PLCG2: variants seen among roughly 807,000 people sequenced by gnomAD.
The protein encoded by PLCG2 is 1-phosphatidylinositol 4,5-bisphosphate phosphodiesterase gamma-2.
Under a neutral mutation model 175.6 loss-of-function variants are expected in PLCG2, and 69 were observed. The observed-to-expected ratio is 0.39, with a 90% CI of 0.32 to 0.48. The LOEUF (loss-of-function observed/expected upper bound fraction) is 0.48, where lower values mean the gene tolerates loss of function less well. Among genes scored for constraint, PLCG2 ranks in the 20% least tolerant of loss-of-function variants. The pLI is 0.91. For missense variants in PLCG2, 1,798 were observed against 1,650.9 expected (o/e 1.09, Z -1.54); for synonymous variants, 827 against 624.0 (o/e 1.33, Z -4.85).
At position 81,779,390 on chromosome 16, in the gene PLCG2, G is replaced by T. The variant is rs1200354960; in HGVS notation, c.-82G>T. 1.3e-5 allele frequency: 2 copies of T among 151,238 alleles called. No individual in the cohort carries two copies. The highest frequency in any genetic ancestry group is 2.1e-4 in the South Asian group (1 of 4,834). 9.4% of individuals were successfully genotyped at this position (151,238 alleles called of 1,614,324 possible). ...CGGGACCCCGGAGCCCAAACCCGGG[G>T]CAGGCGGGCAGCTGTGCCCGGGCGG... On this transcript the variant is annotated 5_prime_UTR_variant, in exon 1 of 33. Coordinates refer to ENST00000564138, the MANE Select transcript of PLCG2 (RefSeq NM_002661.5).
At chr16:81,850,864 G>A (rs964332503) in intron 2 of PLCG2, among the ~76,000 whole-genome samples, 10 of 152,194 alleles carry the variant, frequency 6.6e-5, no homozygotes, top group Non-Finnish European at 1.0e-4. Flanking sequence ...TCCTGCACAT[G>A]CGGGCAATAG....
rs560615398 is a variant in PLCG2, at chr16:81,821,175, C to T, written c.194-33269C>T. 1.3e-4 allele frequency among the ~76,000 whole-genome samples: 20 copies of T among 152,332 alleles called. No homozygotes were observed. The East Asian group carries it at 1.3e-3, about 10-fold the overall frequency. On this transcript the variant is annotated intron_variant, in intron 2 of 32. Coordinates refer to ENST00000564138, the MANE Select transcript of PLCG2 (RefSeq NM_002661.5). ...CCAAAGTGCTGGGATTACAGGCGTG[C>T]GTGAGCCGCCGTGCCTGGCCACATT...
rs372502550 is a variant in PLCG2 at position 81,786,077 on chromosome 16, G to A, written c.88G>A (p.Val30Met). The change falls in exon 2 of 33, where the codon GTG (valine) becomes ATG (methionine). Residue 30 changes from valine (V) to methionine (M), a missense_variant. Val to Met is a conservative substitution (Grantham distance 21, BLOSUM62 1). Transcript: ENST00000564138. ...RALELGTVMTVFSFRKSTPER... is the reference protein window; with the variant it reads ...RALELGTVMTMFSFRKSTPER... ...CCTGGAGCTGGGGACGGTGATGACT[G>A]TGTTCAGCTTCCGCAAGTCCACCCC... 1.4e-5 allele frequency: 22 copies of A among 1,614,220 alleles called. No individual in the cohort carries two copies. Among genetic ancestry groups the A allele is most frequent in the Non-Finnish European group, 1.9e-5 (22 of 1,180,020 alleles).
Position 81,960,886 on chromosome 16 carries a change from C to G in PLCG2, c.*2888C>G, listed in dbSNP as rs867610672. On this transcript the variant is annotated 3_prime_UTR_variant, in exon 33 of 33. Coordinates refer to ENST00000564138, the MANE Select transcript of PLCG2 (RefSeq NM_002661.5). Reference sequence around the variant, plus strand: ...GGAGCAGTGTTCAGAGCCTCATCTTCCTGTTATATTCTTCTCTAAGATTCA... The same window carrying G: ...GGAGCAGTGTTCAGAGCCTCATCTTGCTGTTATATTCTTCTCTAAGATTCA... 4 of 229,554 alleles carry G rather than the reference C, an allele frequency of 1.7e-5. No individual in the cohort carries two copies. Among genetic ancestry groups the G allele is most frequent in the Non-Finnish European group, 2.6e-5 (3 of 115,774 alleles). The allele number at this position is 229,554 out of a possible 1,614,324, so 14.2% of individuals were successfully genotyped here. A position where few individuals can be genotyped will look rare whatever the true frequency, so the allele number is the denominator to read the frequency against.
chr16:81,794,644 C>A (rs1371929711), intron 2 of PLCG2, among the ~76,000 whole-genome samples: 1 of 152,154 alleles, frequency 6.6e-6, no homozygotes, highest in African/African-American at 2.4e-5. Context: ...GAACACACCC[C>A]ATAAGACTCT....
At position 81,765,755 on chromosome 16, in the gene PLCG2, C is replaced by T. The variant is rs375662515; in HGVS notation, c.-48+9789C>T. Reference sequence around the variant, plus strand: ...GCTCTGGGAAACTAATGCATGTTTTCAGTGACATTTTAGCCCCTTCTGAAT... The same window carrying T: ...GCTCTGGGAAACTAATGCATGTTTTTAGTGACATTTTAGCCCCTTCTGAAT... On this transcript the variant is annotated intron_variant, in intron 2 of 5. Transcript: ENST00000565054. Among the ~76,000 whole-genome samples, 117 of 152,320 alleles carry T rather than the reference C, an allele frequency of 7.7e-4. No individual in the cohort carries two copies. In the South Asian group the frequency reaches 0.013, roughly 18 times the overall value.
At chr16:81,807,232 C>T (rs1405479455) in intron 2 of PLCG2, among the ~76,000 whole-genome samples, 2 of 152,182 alleles carry the variant, frequency 1.3e-5, no homozygotes, top group Admixed American at 6.5e-5. Context: ...CCTCCTCCTA[C>T]ATCAGGAGAG....
At chr16:81,764,702 C>G (rs761011835) in intron 2 of PLCG2, among the ~76,000 whole-genome samples, 1 of 152,138 alleles carries the variant, frequency 6.6e-6, no homozygotes, top group Non-Finnish European at 1.5e-5. Flanking sequence ...AAATTTATGT[C>G]CAGCTGGAAC....
intron 2 of PLCG2, among the ~76,000 whole-genome samples, chr16:81,805,514 A>AG (rs554771601): frequency 6.7e-6 from 1 of 148,740 alleles, no homozygotes; most frequent in Non-Finnish European, 1.5e-5. Flanking sequence ...AAAAAAAAAA[A>AG]AAAACAAAAC....
chr16:81,876,214 A>G (rs1008307242), intron 7 of PLCG2, among the ~76,000 whole-genome samples: 3 of 151,628 alleles, frequency 2.0e-5, no homozygotes, highest in African/African-American at 7.3e-5. Flanking sequence ...TTGTAGAGAC[A>G]GTTTCACCAT....
chr16:81,840,989 T>C (rs997755584), intron 2 of PLCG2, among the ~76,000 whole-genome samples: 1 of 152,198 alleles, frequency 6.6e-6, no homozygotes, highest in African/African-American at 2.4e-5. Context: ...CTTAAAACTC[T>C]TATCTATTGA....
chr16:81,806,930 G>A (rs1022372709), intron 2 of PLCG2, among the ~76,000 whole-genome samples: 1 of 152,054 alleles, frequency 6.6e-6, no homozygotes, highest in Non-Finnish European at 1.5e-5. Context: ...GGGCTGTGGA[G>A]GCCTCCATAG....
intron 31 of PLCG2, among the ~76,000 whole-genome samples, chr16:81,956,482 C>T (rs1567549679): frequency 6.6e-6 from 1 of 152,148 alleles, no homozygotes; most frequent in Non-Finnish European, 1.5e-5. Flanking sequence ...AGTGTAAAGA[C>T]CAAGCACTTT....
intron 2 of PLCG2, among the ~76,000 whole-genome samples, chr16:81,802,589 C>T (rs906549893): frequency 6.6e-6 from 1 of 151,904 alleles, no homozygotes; most frequent in East Asian, 1.9e-4. Context: ...TGTTTTGAGA[C>T]TGAGTGGAGT....
intron 30 of PLCG2, among the ~76,000 whole-genome samples, 154 bp downstream of exon 30, chr16:81,940,213 G>C (rs1910883656): frequency 6.6e-6 from 1 of 152,260 alleles, no homozygotes; most frequent in Non-Finnish European, 1.5e-5. Context: ...TGTACAGCCT[G>C]TCGTGTAGCA....
intron 2 of PLCG2, among the ~76,000 whole-genome samples, chr16:81,844,240 G>A (rs1486656804): frequency 5.6e-5 from 8 of 142,846 alleles, no homozygotes; most frequent in South Asian, 2.3e-4. Flanking sequence ...TGATCCACCC[G>A]CCTCGGCCTC....
chr16:81,925,074 G>T (rs551872653), intron 22 of PLCG2, among the ~76,000 whole-genome samples: 22 of 152,278 alleles, frequency 1.4e-4, no homozygotes, highest in African/African-American at 4.8e-4. Flanking sequence ...TCCAAATCAC[G>T]GTTTTCCATT....
intron 1 of PLCG2, among the ~76,000 whole-genome samples, chr16:81,745,446 A>G (rs1909685042): frequency 6.6e-6 from 1 of 152,180 alleles, no homozygotes; most frequent in Non-Finnish European, 1.5e-5. Flanking sequence ...AACAACGACT[A>G]TAACTCAGGG....
intron 1 of PLCG2, among the ~76,000 whole-genome samples, chr16:81,743,452 G>A (rs1026074103): frequency 6.6e-6 from 1 of 152,248 alleles, no homozygotes; most frequent in Non-Finnish European, 1.5e-5. Flanking sequence ...AAGAGCCCAG[G>A]TAGAGCGACC....
Sources: gnomAD v4.1 joint callset for allele counts (sites outside exome capture counted in the v4.1 genomes callset) on GRCh38, gnomAD v4.1.1 for gene constraint, MANE v1.5 for transcripts, NCBI Gene and HGNC (gene_info 2026-07-23, HGNC 2026-07-21) for gene names.